The following PXK variants were observed in gnomAD, a reference collection of about 807,000 sequenced individuals.
The protein encoded by PXK is PX domain containing serine/threonine kinase like, also known as PX domain-containing protein kinase-like protein.
PXK carries 35 observed loss-of-function variants against 84.7 expected under a neutral mutation model. The ratio of observed to expected loss-of-function variants is 0.41; its 90% CI spans 0.32 to 0.55. The LOEUF is 0.55. Ranked by LOEUF, PXK falls within the 20% of genes least tolerant of loss-of-function variation. The pLI is 0.21. For synonymous variants in PXK, 253 were observed against 260.8 expected (o/e 0.97, Z 0.29); for missense variants, 634 against 699.7 (o/e 0.91, Z 1.06).
intron 3 of PXK, among the ~76,000 whole-genome samples, chr3:58,377,035 G>T (rs922152000): frequency 6.6e-6 from 1 of 152,132 alleles, no homozygotes; most frequent in Non-Finnish European, 1.5e-5. Context: ...TCATATGTAT[G>T]CATTTTATTC....
chr3:58,392,955 C>T (rs987932434), intron 7 of PXK, among the ~76,000 whole-genome samples: 4 of 151,954 alleles, frequency 2.6e-5, no homozygotes, highest in South Asian at 2.1e-4. Context: ...CCACCGCACC[C>T]GGCCCTAAAT....
chr3:58,397,123 C>T lies in PXK; in HGVS notation c.907C>T (p.Leu303=), dbSNP rs776838596. 6.2e-7 allele frequency: 1 copy of T among 1,614,052 alleles called. No homozygotes were observed. Among genetic ancestry groups the T allele is most frequent in the Non-Finnish European group, 8.5e-7 (1 of 1,180,014 alleles). ...GATGCTCGATGGGGACACTTGCCGG[C>T]TGCTGGACCTTGAGAATTCCTTATT... The part of the protein sequence containing the change: ...NVMLDGDTCR[L]LDLENSLLGL... Residue 303 remains leucine (L), a synonymous_variant, in exon 10 of 18, where the codon CTG becomes TTG. Transcript: ENST00000356151. This position sits in a 1 kb window ranked among gnomAD's most constrained non-coding sequence, Gnocchi z 4.7.
chr3:58,351,849 C>T (rs1489654748), intron 1 of PXK, among the ~76,000 whole-genome samples: 4 of 152,102 alleles, frequency 2.6e-5, no homozygotes, highest in Non-Finnish European at 5.9e-5. Flanking sequence ...GTGCTGCCAC[C>T]GTCTTCTGTG....
rs772960624 is a variant in PXK at position 58,424,864 on chromosome 3, G to A, written c.1641G>A (p.Met547Ile). Residue 547 changes from methionine (M) to isoleucine (I), a missense_variant, in exon 18 of 18, where the codon ATG becomes ATA. This residue lies in a region of PXK where 273 missense variants were observed against 283.6 expected (regional missense o/e 0.96). Coordinates refer to ENST00000356151, the MANE Select transcript of PXK (RefSeq NM_017771.5). ...AQLSSQAVNG[M>I]SRGALLSSIQ... The stretch of plus-strand genomic sequence containing the variant: ...TCTCGTCTCAGGCTGTGAATGGCAT[G>A]AGCCGAGGGGCCTTGCTCAGCTCCA... 4.3e-6 allele frequency: 7 copies of A among 1,614,214 alleles called. No homozygotes were observed. The South Asian group carries it at 4.4e-5, about 10-fold the overall frequency.
intron 2 of PXK, among the ~76,000 whole-genome samples, chr3:58,368,385 C>A (rs868129893): frequency 6.6e-6 from 1 of 152,056 alleles, no homozygotes; most frequent in Admixed American, 6.5e-5. Flanking sequence ...TGCAGTGGAG[C>A]GATCTCTGCT....
intron 1 of PXK, among the ~76,000 whole-genome samples, chr3:58,365,212 T>G (rs1364476893): frequency 6.6e-6 from 1 of 152,090 alleles, no homozygotes; most frequent in Non-Finnish European, 1.5e-5. Context: ...ATATGCTGTA[T>G]TTTCTTTCAG....
intron 12 of PXK, among the ~76,000 whole-genome samples, chr3:58,403,530 A>G (rs1199392514): frequency 1.3e-5 from 2 of 152,210 alleles, no homozygotes; most frequent in African/African-American, 2.4e-5. Context: ...AGAAATATCT[A>G]CCGCATATAT....
chr3:58,406,736 C>T (rs1209144742), intron 13 of PXK, among the ~76,000 whole-genome samples: 1 of 152,304 alleles, frequency 6.6e-6, no homozygotes, highest in East Asian at 1.9e-4. Flanking sequence ...CCATTTCTCC[C>T]TCCCCACAGC....
In PXK at chr3:58,390,649, G is replaced by C. The variant is rs1249548993; in HGVS notation, c.456G>C (p.Leu152Phe). The change falls in exon 5 of 18, where the codon TTG (leucine) becomes TTC (phenylalanine). Residue 152 changes from leucine to phenylalanine, a missense_variant. Physicochemically the swap from Leu to Phe is conservative, Grantham distance 22. Around this residue, in one of 3 missense-constraint regions of PXK, gnomAD observed 353 missense variants for 385.2 expected, o/e 0.92. Coordinates refer to ENST00000356151, the MANE Select transcript of PXK (RefSeq NM_017771.5). This position sits in a 1 kb window ranked among gnomAD's most constrained non-coding sequence, Gnocchi z 4.2. ...CAAAGTGGGAGGTGGTGGAACCTTT[G>C]AAAGACATAGGTGAGACATTGGCAC... The part of the protein sequence containing the change: ...SEPKWEVVEP[L>F]KDIGWRIRKK... 1.2e-6 allele frequency: 2 copies of C among 1,612,086 alleles called. No homozygotes were observed. Among genetic ancestry groups the C allele is most frequent in the South Asian group, 1.1e-5 (1 of 90,838 alleles).
chr3:58,378,417 G>A (rs940861560), intron 3 of PXK, among the ~76,000 whole-genome samples: 3 of 151,146 alleles, frequency 2.0e-5, no homozygotes, highest in East Asian at 1.9e-4. Flanking sequence ...TAACCAAAGG[G>A]TCACCAGACT....
chr3:58,422,518 A>G (rs2062050520), intron 17 of PXK: 1 of 985,260 alleles, frequency 1.0e-6, no homozygotes, highest in Non-Finnish European at 1.2e-6. Context: ...GACACCACCT[A>G]CATTTTCAAA....
At chr3:58,361,065 G>C (rs900153461) in intron 1 of PXK, among the ~76,000 whole-genome samples, 2 of 151,846 alleles carry the variant, frequency 1.3e-5, no homozygotes, top group Non-Finnish European at 2.9e-5. Context: ...GGGAGGCTGA[G>C]GTGGGCGGAT....
intron 3 of PXK, among the ~76,000 whole-genome samples, chr3:58,375,977 T>C (rs1000224934): frequency 6.6e-6 from 1 of 152,162 alleles, no homozygotes; most frequent in African/African-American, 2.4e-5. Flanking sequence ...AAATAATAAT[T>C]ATCTTGTTTT....
chr3:58,338,220 C>T (rs1388988171), intron 1 of PXK, among the ~76,000 whole-genome samples: 3 of 151,016 alleles, frequency 2.0e-5, no homozygotes, highest in South Asian at 2.1e-4. Context: ...ACATGGCTGT[C>T]GTCCAGCTAC....
chr3:58,363,871 G>C (rs1466786757), intron 1 of PXK, among the ~76,000 whole-genome samples: 2 of 152,008 alleles, frequency 1.3e-5, no homozygotes, highest in African/African-American at 4.8e-5. Flanking sequence ...GTCAGCTGTA[G>C]GTTTTTTGTA....
chr3:58,391,905 C>T lies in PXK; in HGVS notation c.615+58C>T, dbSNP rs1045223673. The T allele has an allele frequency of 3.4e-5, 50 of 1,479,380 alleles. No individual in the cohort carries two copies. In the African/African-American group the frequency reaches 6.3e-4, roughly 19 times the overall value. The allele number at this position is 1,479,380 out of a possible 1,614,324, so 91.6% of individuals were successfully genotyped here. A position where few individuals can be genotyped will look rare whatever the true frequency, so the allele number is the denominator to read the frequency against. ...TGATGATAGAGTCACAGTATTTTTT[C>T]TGGGTGAACATGGACAGAAAAGCTG... On this transcript the variant is annotated intron_variant, in intron 7 of 17. Coordinates refer to ENST00000356151, the MANE Select transcript of PXK (RefSeq NM_017771.5).
At chr3:58,337,128 A>T (rs2097635888) in intron 1 of PXK, among the ~76,000 whole-genome samples, 1 of 152,150 alleles carries the variant, frequency 6.6e-6, no homozygotes, top group Non-Finnish European at 1.5e-5. Flanking sequence ...CTTTTTAAAT[A>T]TTCTTCTGTG....
In PXK at chr3:58,385,257, C is replaced by T. The variant is rs577304808; in HGVS notation, c.388+2557C>T. On this transcript the variant is annotated intron_variant, in intron 4 of 17. Transcript: ENST00000356151. The surrounding 1 kb of genome is among the most constrained non-coding windows in gnomAD (Gnocchi z 5.1). The stretch of plus-strand genomic sequence containing the variant: ...GGCTGCTATTCAGAGGGCACAATCC[C>T]GGAATTAAACAATAGGTGATGGATG... Among the ~76,000 whole-genome samples the T allele has an allele frequency of 3.3e-5, 5 of 152,108 alleles. No homozygotes were observed. The highest frequency in any genetic ancestry group is 2.1e-4 in the South Asian group (1 of 4,814).
At position 58,412,483 on chromosome 3, in the gene PXK, C is replaced by T. The variant is rs979212449; in HGVS notation, c.1466-418C>T. Among the ~76,000 whole-genome samples the T allele has an allele frequency of 3.9e-5, 6 of 152,112 alleles. No homozygotes were observed. Among genetic ancestry groups the T allele is most frequent in the South Asian group, 4.1e-4 (2 of 4,826 alleles). ...AATGCGTTACTGGGTGGATGCTGTA[C>T]GGGGCACTCCCTTCCTTTGGAAGCC... On this transcript the variant is annotated intron_variant, in intron 16 of 17. Coordinates refer to ENST00000356151, the MANE Select transcript of PXK (RefSeq NM_017771.5). This position sits in a 1 kb window ranked among gnomAD's most constrained non-coding sequence, Gnocchi z 6.2.
Sources: gnomAD v4.1 joint callset for allele counts (sites outside exome capture counted in the v4.1 genomes callset) on GRCh38, gnomAD v4.1.1 for gene constraint, gnomAD v4.1.1 regional missense constraint, Gnocchi (gnomAD v3.1) non-coding constraint, MANE v1.5 for transcripts, NCBI Gene and HGNC (gene_info 2026-07-23, HGNC 2026-07-21) for gene names.